Variants in SPOCK3 observed in about 807,000 individuals in gnomAD.
SPOCK3 encodes the protein testican-3.
A neutral mutation model predicts 56.6 loss-of-function variants in SPOCK3; 30 were observed. The ratio of observed to expected loss-of-function variants is 0.53; its 90% CI spans 0.40 to 0.72. The LOEUF (loss-of-function observed/expected upper bound fraction) is 0.72, where lower values mean the gene tolerates loss of function less well. Among genes scored for constraint, SPOCK3 ranks in the 30% least tolerant of loss-of-function variants. The pLI is 0.00. For missense variants in SPOCK3, 527 were observed against 530.0 expected (o/e 0.99, Z 0.06); for synonymous variants, 196 against 183.3 (o/e 1.07, Z -0.56).
chr4:166,940,564 T>C (rs1387479656), intron 4 of SPOCK3, among the ~76,000 whole-genome samples: 2 of 151,874 alleles, frequency 1.3e-5, no homozygotes, highest in Non-Finnish European at 2.9e-5. Flanking sequence ...AGCATGTGCA[T>C]TTTGATTTTA....
At chr4:167,234,278 T>TAG in intron 1 of SPOCK3, 105 bp from the exon 2 acceptor site, 2 of 1,138,608 alleles carry the variant, frequency 1.8e-6, no homozygotes, top group Admixed American at 2.0e-5. Flanking sequence ...ACGACGAGGG[T>TAG]AGAGGGAGGA....
At chr4:166,955,005 G>T (rs1743224035) in intron 4 of SPOCK3, among the ~76,000 whole-genome samples, 1 of 152,034 alleles carries the variant, frequency 6.6e-6, no homozygotes, top group African/African-American at 2.4e-5. Context: ...AAAACTTACA[G>T]TATCTATTAT....
chr4:167,108,537 G>C (rs1287214819), intron 2 of SPOCK3, among the ~76,000 whole-genome samples: 1 of 151,844 alleles, frequency 6.6e-6, no homozygotes, highest in Non-Finnish European at 1.5e-5. Flanking sequence ...ATTATGTTAA[G>C]TGCAATTAGC....
intron 6 of SPOCK3, among the ~76,000 whole-genome samples, chr4:166,856,533 T>C (rs1459646079): frequency 6.6e-6 from 1 of 152,150 alleles, no homozygotes; most frequent in African/African-American, 2.4e-5. Flanking sequence ...CCCAGTACTT[T>C]GGGAGACCGA....
chr4:166,833,430 A>G (rs935014038), intron 6 of SPOCK3, among the ~76,000 whole-genome samples: 32 of 152,294 alleles, frequency 2.1e-4, no homozygotes, highest in African/African-American at 7.5e-4. Flanking sequence ...ATTGGTTACT[A>G]AGAGGCAAAT....
In SPOCK3 at chr4:167,222,699, A is replaced by G. The variant is rs1255678376; in HGVS notation, c.189+11286T>C. Among the ~76,000 whole-genome samples, 18 of 134,438 alleles carry G rather than the reference A, an allele frequency of 1.3e-4. No individual in the cohort carries two copies. In the East Asian group the frequency reaches 2.8e-3, roughly 21 times the overall value. The allele number at this position is 134,438 out of a possible 152,430, so 88.2% of individuals were successfully genotyped here. On this transcript the variant is annotated intron_variant, in intron 2 of 10. Transcript: ENST00000357545. Reference sequence around the variant, plus strand: ...TATATTTATATATGAATATATAAACATATAAACATAGATATATATTGATAT... The same window carrying G: ...TATATTTATATATGAATATATAAACGTATAAACATAGATATATATTGATAT...
intron 5 of SPOCK3, among the ~76,000 whole-genome samples, chr4:166,897,266 G>A (rs925410736): frequency 6.6e-6 from 1 of 152,076 alleles, no homozygotes. Flanking sequence ...TGGGGGACAA[G>A]TACCCGATGT....
Position 167,120,006 on chromosome 4 carries a change from G to A in SPOCK3, c.190-57469C>T, listed in dbSNP as rs1202807363. 5.2e-6 allele frequency: 3 copies of A among 573,712 alleles called. No homozygotes were observed. The African/African-American group carries it at 5.6e-5, about 11-fold the overall frequency. The allele number at this position is 573,712 out of a possible 1,614,324, so 35.5% of individuals were successfully genotyped here. The stretch of plus-strand genomic sequence containing the variant: ...TTCCACTGAAATATTTTATGTTAAA[G>A]CAGTGTATCTCTTAAATTACATACA... On this transcript the variant is annotated intron_variant, in intron 2 of 10. Transcript: ENST00000357545.
intron 2 of SPOCK3, among the ~76,000 whole-genome samples, chr4:167,222,367 C>A (rs1041070592): frequency 2.0e-5 from 3 of 151,450 alleles, no homozygotes; most frequent in Admixed American, 6.6e-5. Flanking sequence ...AGACTGGTTG[C>A]AAAACAATGT....
chr4:166,914,838 G>C (rs1737668702), intron 4 of SPOCK3, among the ~76,000 whole-genome samples: 1 of 152,126 alleles, frequency 6.6e-6, no homozygotes, highest in South Asian at 2.1e-4. Context: ...AAGTAAAATT[G>C]TAATGTACTT....
chr4:166,918,487 T>C (rs1306908076), intron 4 of SPOCK3: 1 of 152,130 alleles, frequency 6.6e-6, no homozygotes, highest in South Asian at 2.1e-4. Flanking sequence ...AATTAGGCTG[T>C]AGACTAAAAT....
chr4:167,052,416 T>C (rs989904495), intron 3 of SPOCK3, among the ~76,000 whole-genome samples: 1 of 152,322 alleles, frequency 6.6e-6, no homozygotes, highest in African/African-American at 2.4e-5. Context: ...GTAGGATATA[T>C]ACATTGATAA....
At chr4:166,751,272 G>A (rs1736345350) in intron 8 of SPOCK3, among the ~76,000 whole-genome samples, 1 of 152,010 alleles carries the variant, frequency 6.6e-6, no homozygotes, top group Non-Finnish European at 1.5e-5. Context: ...ACTACACTTT[G>A]ACATCTCTTC....
chr4:166,974,623 C>A (rs541702577), intron 4 of SPOCK3, among the ~76,000 whole-genome samples: 1 of 152,212 alleles, frequency 6.6e-6, no homozygotes, highest in African/African-American at 2.4e-5. Context: ...TAATTTCTCT[C>A]CTACCAAGTT....
In SPOCK3 at chr4:167,028,556, A is replaced by G. The variant is rs180793533; in HGVS notation, c.236-28093T>C. ...TGCCATTCTTGGCAGCAAGCTTGCT[A>G]TTCGTGTCTATCATGATCTCTTGAG... On this transcript the variant is annotated intron_variant, in intron 3 of 10. Coordinates refer to ENST00000357545, the MANE Select transcript of SPOCK3 (RefSeq NM_001040159.2). 7.8e-3 allele frequency among the ~76,000 whole-genome samples: 1,192 copies of G among 152,142 alleles called. 7 individuals are homozygous for G. Among genetic ancestry groups the G allele is most frequent in the Non-Finnish European group, 0.011 (777 of 67,966 alleles).
intron 3 of SPOCK3, among the ~76,000 whole-genome samples, chr4:167,011,505 T>C (rs1750066369): frequency 1.3e-5 from 2 of 152,176 alleles, no homozygotes; most frequent in African/African-American, 2.4e-5. Flanking sequence ...TTTTTCAATA[T>C]GCAAATGTTA....
intron 4 of SPOCK3, among the ~76,000 whole-genome samples, chr4:166,934,676 A>G (rs72971664): frequency 0.12 from 18,874 of 152,118 alleles, 1,810 homozygotes; most frequent in African/African-American, 0.27. Context: ...TATTAAAACA[A>G]TGTTGTGATA....
At position 166,754,724 on chromosome 4, in the gene SPOCK3, C is replaced by G; in HGVS notation, c.715G>C (p.Asp239His). The G allele has an allele frequency of 1.2e-6, 2 of 1,612,436 alleles. No individual in the cohort carries two copies. Among genetic ancestry groups the G allele is most frequent in the Admixed American group, 1.7e-5 (1 of 59,830 alleles). ...TTGCAAATTGGCAAGATGCTGGTAT[C>G]GAATCCTAAAGGCAAAAAAAAGAAA... ...TLLRPERSRF[D>H]TSILPICKDS... Residue 239 changes from aspartate to histidine, a missense_variant, in exon 8 of 11, where the codon GAT (aspartate) becomes CAT (histidine). By Grantham distance (81) the Asp-to-His change is moderately conservative (BLOSUM62 -1). Transcript: ENST00000357545.
chr4:166,818,014 A>G (rs937644439), intron 6 of SPOCK3, among the ~76,000 whole-genome samples: 2 of 152,112 alleles, frequency 1.3e-5, no homozygotes, highest in African/African-American at 2.4e-5. Flanking sequence ...TTTTTAAATT[A>G]AAAAAGATTC....
Sources: allele counts gnomAD v4.1 joint callset (sites outside exome capture counted in the v4.1 genomes callset), GRCh38; gene constraint gnomAD v4.1.1; transcripts MANE v1.5; gene names NCBI Gene and HGNC (gene_info 2026-07-23, HGNC 2026-07-21).